Variants in UEVLD observed in about 807,000 individuals in gnomAD.
UEVLD encodes UEV and lactate/malate dehyrogenase domains.
UEVLD carries 47 observed loss-of-function variants against 58.6 expected under a neutral mutation model. The observed-to-expected ratio is 0.80, with a 90% CI of 0.63 to 1.02. UEVLD has a LOEUF of 1.02. Among genes scored for constraint, UEVLD ranks in the 50% least tolerant of loss-of-function variants. The probability of loss-of-function intolerance (pLI) is 0.00; values close to 1 mark genes in which losing one functional copy is unlikely to be tolerated. For missense variants in UEVLD, 510 were observed against 550.6 expected (o/e 0.93, Z 0.74); for synonymous variants, 197 against 195.3 (o/e 1.01, Z -0.07).
chr11:18,559,065 G>T (rs1306005508), intron 6 of UEVLD, among the ~76,000 whole-genome samples: 1 of 151,886 alleles, frequency 6.6e-6, no homozygotes, highest in African/African-American at 2.4e-5. Context: ...GTAGAGACGG[G>T]GTATCACCAT....
At chr11:18,548,093 TG>T (rs1851376023) in intron 7 of UEVLD, among the ~76,000 whole-genome samples, 1 of 152,164 alleles carries the variant, frequency 6.6e-6, no homozygotes, top group South Asian at 2.1e-4. Flanking sequence ...CAGCTGTCCT[TG>T]GATAACTACT....
chr11:18,565,066 G>A, intron 5 of UEVLD, 56 bp from the exon 6 acceptor site: 1 of 1,333,722 alleles, frequency 7.5e-7, no homozygotes, highest in Non-Finnish European at 1.1e-6. Flanking sequence ...ATTTTTTTAG[G>A]ATCTTTAAAA....
At chr11:18,587,296 A>G (rs1422941029) in intron 1 of UEVLD, among the ~76,000 whole-genome samples, 1 of 152,160 alleles carries the variant, frequency 6.6e-6, no homozygotes, top group Non-Finnish European at 1.5e-5. Flanking sequence ...TGAAGAGGAG[A>G]CAGAAAGGGT....
intron 1 of UEVLD, chr11:18,587,914 G>A (rs934080567): frequency 6.6e-6 from 1 of 152,192 alleles, no homozygotes; most frequent in African/African-American, 2.4e-5. Flanking sequence ...CGGAAACTCA[G>A]GCTAGTCAGG....
intron 9 of UEVLD, among the ~76,000 whole-genome samples, chr11:18,542,582 C>T (rs1013398336): frequency 6.6e-6 from 1 of 152,050 alleles, no homozygotes; most frequent in Non-Finnish European, 1.5e-5. Context: ...ATTTAAAATA[C>T]TGTTATATTT....
chr11:18,542,371 C>T (rs1374426443), intron 9 of UEVLD, among the ~76,000 whole-genome samples: 1 of 151,948 alleles, frequency 6.6e-6, no homozygotes, highest in African/African-American at 2.4e-5. Flanking sequence ...TGGAGACATT[C>T]ATTACTTGAA....
intron 2 of UEVLD, among the ~76,000 whole-genome samples, chr11:18,576,853 G>A (rs1267674023): frequency 1.3e-5 from 2 of 152,286 alleles, no homozygotes; most frequent in Admixed American, 1.3e-4. Context: ...ATTAAAAACT[G>A]TTCTCACAAT....
In UEVLD at chr11:18,558,241, C is replaced by T; in HGVS notation, c.702G>A (p.Val234=). ...GAATAAACAGACCTTTGCTGATCTC[C>T]ACATTAGGAAGGTTGAAGATTTCAA... ...MDLEIFNLPN[V]EISKDLSASA... Residue 234 remains valine (V), a synonymous_variant, in exon 7 of 12, where the codon GTG becomes GTA. Coordinates refer to ENST00000396197, the MANE Select transcript of UEVLD (RefSeq NM_001040697.4). 6.2e-7 allele frequency: 1 copy of T among 1,612,084 alleles called. No individual in the cohort carries two copies.
intron 10 of UEVLD, 115 bp from the exon 11 acceptor site, chr11:18,534,568 C>G (rs1250383948): frequency 9.0e-7 from 1 of 1,107,126 alleles, no homozygotes; most frequent in Admixed American, 3.2e-5. Context: ...AGTTATGCAG[C>G]AATTGTTAGG....
chr11:18,538,104 G>A (rs537358894), intron 9 of UEVLD, among the ~76,000 whole-genome samples: 123 of 152,256 alleles, frequency 8.1e-4, no homozygotes, highest in Non-Finnish European at 1.4e-3. Flanking sequence ...TGTGGCTATA[G>A]AATAATATGT....
rs1393849915 is a variant in UEVLD at position 18,529,621 on chromosome 11, C to G, written c.*2699G>C. The G allele has an allele frequency of 6.6e-6, 1 of 152,012 alleles. No individual in the cohort carries two copies. The highest frequency in any genetic ancestry group is 1.5e-5 in the Non-Finnish European group (1 of 68,000). The allele number at this position is 152,012 out of a possible 1,614,324, so 9.4% of individuals were successfully genotyped here. On this transcript the variant is annotated 3_prime_UTR_variant, in exon 12 of 12. Transcript: ENST00000396197. ...AAGCATCTCCTGGTGATTTTAAAAT[C>G]AGTTTATTTTACTCATTATTCTTAA...
At chr11:18,549,627 C>A (rs1443040193) in intron 7 of UEVLD, among the ~76,000 whole-genome samples, 1 of 151,802 alleles carries the variant, frequency 6.6e-6, no homozygotes, top group Non-Finnish European at 1.5e-5. Context: ...CCATGTTGGC[C>A]AGGCTGGTCT....
chr11:18,534,554 CAA>C (rs1191197699), intron 10 of UEVLD, 101 bp from the exon 11 acceptor site: 31 of 1,259,698 alleles, frequency 2.5e-5, no homozygotes, highest in African/African-American at 3.2e-5. Context: ...ATGACAGAAA[CAA>C]GAGTTATGCA....
At position 18,577,871 on chromosome 11, in the gene UEVLD, C is replaced by CA. The variant is rs550091645; in HGVS notation, c.127+852dup. ...TGGGCGACAGAGCAAGACTCCATCT[C>CA]AAAAAAAAAAAAAAAAAAAGAAAGA... On this transcript the variant is annotated intron_variant, in intron 2 of 11. Transcript: ENST00000396197. 3.2e-3 allele frequency among the ~76,000 whole-genome samples: 213 copies of CA among 66,074 alleles called. 1 individual carries two copies. The highest frequency in any genetic ancestry group is 4.1e-3 in the Non-Finnish European group (126 of 30,614). 43.3% of individuals were successfully genotyped at this position (66,074 alleles called of 152,430 possible). A position where few individuals can be genotyped will look rare whatever the true frequency, so the allele number is the denominator to read the frequency against.
chr11:18,545,363 G>A (rs974554262), intron 8 of UEVLD, among the ~76,000 whole-genome samples: 30 of 151,468 alleles, frequency 2.0e-4, no homozygotes, highest in Admixed American at 1.5e-3. Context: ...GAGCCACCGC[G>A]CCCAGCCCAT....
chr11:18,537,178 C>A (rs2133956830), intron 9 of UEVLD, among the ~76,000 whole-genome samples: 2 of 150,912 alleles, frequency 1.3e-5, no homozygotes, highest in African/African-American at 4.9e-5. Flanking sequence ...GGATTACAGG[C>A]TTGAGCCACC....
intron 7 of UEVLD, among the ~76,000 whole-genome samples, chr11:18,548,635 G>C (rs1851394924): frequency 6.6e-6 from 1 of 152,096 alleles, no homozygotes; most frequent in African/African-American, 2.4e-5. Flanking sequence ...ACATGTTGGT[G>C]AGGTTGGTCT....
chr11:18,566,681 C>G (rs1016245650), intron 4 of UEVLD, among the ~76,000 whole-genome samples, 199 bp from the exon 5 acceptor site: 2 of 151,486 alleles, frequency 1.3e-5, no homozygotes, highest in Non-Finnish European at 3.0e-5. Context: ...TTAACCTATA[C>G]ATTCTTTTAG....
chr11:18,545,074 A>ATAT (rs1345787784), intron 8 of UEVLD, among the ~76,000 whole-genome samples: 13 of 84,552 alleles, frequency 1.5e-4, no homozygotes, highest in East Asian at 3.3e-4. Context: ...CTATATCTAT[A>ATAT]TTTTTTTTTT....
Sources: gnomAD v4.1 joint callset for allele counts (sites outside exome capture counted in the v4.1 genomes callset) on GRCh38, gnomAD v4.1.1 for gene constraint, MANE v1.5 for transcripts, NCBI Gene and HGNC (gene_info 2026-07-23, HGNC 2026-07-21) for gene names.